The following MICU3 variants were observed in gnomAD, a reference collection of about 807,000 sequenced individuals.
MICU3 encodes mitochondrial calcium uptake 3.
MICU3 carries 62 observed loss-of-function variants against 66.5 expected under a neutral mutation model. The ratio of observed to expected loss-of-function variants is 0.93; its 90% confidence interval spans 0.76 to 1.15. MICU3 has a LOEUF of 1.15. Among genes scored for constraint, MICU3 ranks in the 50% most tolerant of loss-of-function variants. MICU3 has a pLI of 0.00. For synonymous variants in MICU3, 308 were observed against 240.7 expected (o/e 1.28, Z -2.59); for missense variants, 779 against 664.4 (o/e 1.17, Z -1.90).
intron 3 of MICU3, among the ~76,000 whole-genome samples, chr8:17,072,915 C>T (rs1819820544): frequency 6.6e-6 from 1 of 152,132 alleles, no homozygotes; most frequent in East Asian, 1.9e-4. Context: ...GAGATAGAGT[C>T]TCTCCCTGTC....
chr8:17,108,960 C>G (rs1168427247), intron 11 of MICU3, among the ~76,000 whole-genome samples: 1 of 152,110 alleles, frequency 6.6e-6, no homozygotes, highest in Non-Finnish European at 1.5e-5. Context: ...TGTCTTAGGG[C>G]TTTGTATATG....
chr8:17,028,085 G>T (rs542152629), intron 1 of MICU3, among the ~76,000 whole-genome samples: 1 of 152,302 alleles, frequency 6.6e-6, no homozygotes. Context: ...AGCGGTCTGA[G>T]ATCTCAAAAG....
the MICU3 span, among the ~76,000 whole-genome samples, chr8:17,128,859 T>C: frequency 2.6e-5 from 4 of 152,096 alleles, no homozygotes; most frequent in African/African-American, 9.7e-5. Context: ...GAAGGGGAGC[T>C]GTGCAGAAAA....
chr8:17,137,307 C>T, the MICU3 span, among the ~76,000 whole-genome samples: 3 of 151,958 alleles, frequency 2.0e-5, no homozygotes, highest in African/African-American at 7.2e-5. Context: ...TTAAAACTGG[C>T]ATTGCCCAAT....
At position 17,031,029 on chromosome 8, in the gene MICU3, T is replaced by C. The variant is rs1811941558; in HGVS notation, c.381+3369T>C. ...ATTTAATGTGGTTAGGGGAAGAAGA[T>C]GTTGAAATAGAATCATGGAGTCAAT... On this transcript the variant is annotated intron_variant, in intron 1 of 14. Coordinates refer to ENST00000318063, the MANE Select transcript of MICU3 (RefSeq NM_181723.3). Among the ~76,000 whole-genome samples, 3 of 152,056 alleles carry C rather than the reference T, an allele frequency of 2.0e-5. No individual in the cohort carries two copies. The South Asian group carries it at 6.2e-4, about 32-fold the overall frequency.
chr8:17,061,890 C>A (rs1168425111), intron 1 of MICU3, among the ~76,000 whole-genome samples: 1 of 152,148 alleles, frequency 6.6e-6, no homozygotes, highest in Non-Finnish European at 1.5e-5. Context: ...ATGTCTCACC[C>A]ACGGCAGGGC....
chr8:17,066,131 A>G (rs919956282), intron 2 of MICU3, among the ~76,000 whole-genome samples: 1 of 151,970 alleles, frequency 6.6e-6, no homozygotes, highest in Non-Finnish European at 1.5e-5. Context: ...TTTTTATTTA[A>G]TCCATTTGGT....
At chr8:17,115,514 T>C (rs995140966) in intron 12 of MICU3, among the ~76,000 whole-genome samples, 2 of 152,178 alleles carry the variant, frequency 1.3e-5, no homozygotes, top group African/African-American at 4.8e-5. Flanking sequence ...AAATTGATGG[T>C]GTCACCTGTC....
rs888318578 is a variant in MICU3 at position 17,039,727 on chromosome 8, A to T, written c.381+12067A>T. On this transcript the variant is annotated intron_variant, in intron 1 of 14. Coordinates refer to ENST00000318063, the MANE Select transcript of MICU3 (RefSeq NM_181723.3). ...ATCTCTAGTAATTTTTGAGAAATGA[A>T]TGCTATTTTCTACCCAAAGATTAAA... is the stretch of plus-strand genomic sequence containing the variant. 7.9e-5 allele frequency among the ~76,000 whole-genome samples: 12 copies of T among 152,056 alleles called. No individual in the cohort carries two copies. In the East Asian group the frequency reaches 2.1e-3, roughly 27 times the overall value.
chr8:17,061,213 G>A (rs537329963), intron 1 of MICU3, among the ~76,000 whole-genome samples: 2 of 152,244 alleles, frequency 1.3e-5, no homozygotes, highest in East Asian at 1.9e-4. Context: ...TTTGTTAGTT[G>A]ATTGTTGGTA....
At position 17,074,054 on chromosome 8, in the gene MICU3, G is replaced by T. The variant is rs1042125008; in HGVS notation, c.568-3729G>T. On this transcript the variant is annotated intron_variant, in intron 3 of 14. Coordinates refer to ENST00000318063, the MANE Select transcript of MICU3 (RefSeq NM_181723.3). ...ATGGTGGAGTTTTCTTTTTCTTTTT[G>T]GTTTTTTTTTTTATTTTTTATTTTT... 1.5e-3 allele frequency among the ~76,000 whole-genome samples: 231 copies of T among 149,526 alleles called. 3 individuals are homozygous for T. In the East Asian group the frequency reaches 0.04, roughly 26 times the overall value.
intron 10 of MICU3, 52 bp downstream of exon 10, chr8:17,104,543 A>C: frequency 1.0e-6 from 1 of 968,244 alleles, no homozygotes; most frequent in Non-Finnish European, 1.5e-6. Flanking sequence ...CTGAAATCAG[A>C]AGGATCTTTA....
intron 13 of MICU3, 116 bp from the exon 14 acceptor site, chr8:17,118,591 A>G: frequency 1.7e-6 from 1 of 594,658 alleles, no homozygotes; most frequent in Non-Finnish European, 2.9e-6. Context: ...GCCTCTGGTA[A>G]TTAACATTCT....
At chr8:17,069,593 T>G in intron 2 of MICU3, 95 bp from the exon 3 acceptor site, 1 of 690,348 alleles carries the variant, frequency 1.4e-6, no homozygotes, top group Non-Finnish European at 2.3e-6. Context: ...ACATAAAAGT[T>G]TGGTTATGAG....
intron 8 of MICU3, among the ~76,000 whole-genome samples, chr8:17,092,090 A>T (rs969589192): frequency 6.6e-6 from 1 of 151,914 alleles, no homozygotes; most frequent in Non-Finnish European, 1.5e-5. Context: ...TTCAGCCAGG[A>T]TGGTCTTGAT....
intron 4 of MICU3, among the ~76,000 whole-genome samples, chr8:17,078,965 G>T (rs1373220424): frequency 6.6e-6 from 1 of 152,144 alleles, no homozygotes; most frequent in Admixed American, 6.6e-5. Flanking sequence ...TAAGGATCAA[G>T]TAAGTATGGT....
At chr8:17,028,331 C>G (rs569257912) in intron 1 of MICU3, among the ~76,000 whole-genome samples, 4 of 152,266 alleles carry the variant, frequency 2.6e-5, no homozygotes, top group African/African-American at 9.6e-5. Context: ...ATGTAGGAGG[C>G]TGTGAATGAC....
At chr8:17,027,968 A>C (rs960450356) in intron 1 of MICU3, among the ~76,000 whole-genome samples, 6 of 152,192 alleles carry the variant, frequency 3.9e-5, no homozygotes, top group Admixed American at 6.5e-5. Flanking sequence ...AGGCCATGAC[A>C]GGCAGAAAGT....
intron 1 of MICU3, among the ~76,000 whole-genome samples, chr8:17,053,263 T>C (rs1816395155): frequency 6.6e-6 from 1 of 152,216 alleles, no homozygotes; most frequent in Non-Finnish European, 1.5e-5. Flanking sequence ...TTTTAGGGTA[T>C]TATCAGCTGG....
Sources: gnomAD v4.1 joint callset for allele counts (sites outside exome capture counted in the v4.1 genomes callset) on GRCh38, gnomAD v4.1.1 for gene constraint, MANE v1.5 for transcripts, NCBI Gene and HGNC (gene_info 2026-07-23, HGNC 2026-07-21) for gene names.